Variants in RBFOX1 observed in about 807,000 individuals in gnomAD.
RBFOX1 encodes RNA binding protein fox-1 homolog 1.
Under a neutral mutation model 57.7 loss-of-function variants are expected in RBFOX1, and 8 were observed. The ratio of observed to expected loss-of-function variants is 0.14; its 90% CI spans 0.08 to 0.25. RBFOX1 has a LOEUF of 0.25. RBFOX1 is among the 10% of genes least tolerant of loss of function. The probability of loss-of-function intolerance (pLI) is 1.00; values close to 1 mark genes in which losing one functional copy is unlikely to be tolerated. For synonymous variants in RBFOX1, 326 were observed against 222.4 expected (o/e 1.47, Z -4.15); for missense variants, 611 against 548.5 (o/e 1.11, Z -1.14).
rs150744477 is a variant in RBFOX1, at chr16:6,800,123, C to T, written c.-16+145473C>T. ...GGATTGTCTTATGCAGATGTATTAT[C>T]GTTCCTAGTCCTACTGGTTTGGGCC... On this transcript the variant is annotated intron_variant, in intron 3 of 15. Transcript: ENST00000550418. 6.6e-3 allele frequency among the ~76,000 whole-genome samples: 1,002 copies of T among 152,182 alleles called. 10 individuals carry two copies. The highest frequency in any genetic ancestry group is 0.011 in the Non-Finnish European group (772 of 68,014).
chr16:6,182,842 T>G (rs1285505321), intron 1 of RBFOX1, among the ~76,000 whole-genome samples: 1 of 152,212 alleles, frequency 6.6e-6, no homozygotes, highest in African/African-American at 2.4e-5. Flanking sequence ...TGAAAATATT[T>G]AGCTTGTGAA....
chr16:6,800,635 T>C (rs62016137), intron 3 of RBFOX1, among the ~76,000 whole-genome samples: 31,772 of 152,082 alleles, frequency 0.21, 4,318 homozygotes, highest in Non-Finnish European at 0.3. Context: ...TTTAATTCTT[T>C]GCAATTACTT....
intron 4 of RBFOX1, among the ~76,000 whole-genome samples, chr16:7,509,418 GT>G (rs1567582493): frequency 1.8e-4 from 27 of 150,620 alleles, no homozygotes; most frequent in Non-Finnish European, 3.5e-4. Flanking sequence ...GTGTGTGTGT[GT>G]GTGTGTGTGT....
intron 3 of RBFOX1, among the ~76,000 whole-genome samples, chr16:5,735,364 A>T (rs563377117): frequency 2.0e-5 from 3 of 152,328 alleles, no homozygotes; most frequent in South Asian, 2.1e-4. Flanking sequence ...ATTCTTCTCA[A>T]TCACATCTGA....
chr16:7,079,331 G>C (rs1371888295), intron 4 of RBFOX1, among the ~76,000 whole-genome samples: 1 of 152,154 alleles, frequency 6.6e-6, no homozygotes, highest in Non-Finnish European at 1.5e-5. Context: ...ACCAGTGCAT[G>C]TTCCTAAAAG....
At chr16:5,661,150 T>C (rs2049634629) in intron 3 of RBFOX1, among the ~76,000 whole-genome samples, 2 of 152,226 alleles carry the variant, frequency 1.3e-5, no homozygotes, top group Admixed American at 6.5e-5. Context: ...TATATATCTC[T>C]TTGTGACACA....
intron 2 of RBFOX1, among the ~76,000 whole-genome samples, chr16:5,554,148 T>C (rs144152615): frequency 0.048 from 7,367 of 151,934 alleles, 191 homozygotes; most frequent in East Asian, 0.1. Context: ...TTTTTGTATT[T>C]TTAGTAGAGA....
intron 1 of RBFOX1, among the ~76,000 whole-genome samples, chr16:5,442,777 C>T (rs2068122944): frequency 6.6e-6 from 1 of 152,148 alleles, no homozygotes; most frequent in South Asian, 2.1e-4. Context: ...TGTCATTATT[C>T]CCTGTTGTGG....
At position 7,587,138 on chromosome 16, in the gene RBFOX1, C is replaced by G. The variant is rs565353822; in HGVS notation, c.415-109C>G. The stretch of plus-strand genomic sequence containing the variant: ...AACCATAAAACATAAAATGTGTATC[C>G]TTGGTATTAAAAGAGAAAAAAATGG... On this transcript the variant is annotated intron_variant, in intron 6 of 15. Transcript: ENST00000550418. 42 of 1,244,888 alleles carry G rather than the reference C, an allele frequency of 3.4e-5. No individual in the cohort carries two copies. In the South Asian group the frequency reaches 7.5e-4, roughly 22 times the overall value. 77.1% of individuals were successfully genotyped at this position (1,244,888 alleles called of 1,614,324 possible).
intron 2 of RBFOX1, among the ~76,000 whole-genome samples, chr16:5,522,641 T>C (rs186190141): frequency 5.2e-4 from 79 of 152,306 alleles, no homozygotes; most frequent in African/African-American, 1.7e-3. Flanking sequence ...TCTTATTCTT[T>C]CTTTGTTTGT....
At chr16:6,263,032 C>T (rs893648579) in intron 1 of RBFOX1, among the ~76,000 whole-genome samples, 1 of 152,096 alleles carries the variant, frequency 6.6e-6, no homozygotes, top group Non-Finnish European at 1.5e-5. Flanking sequence ...TTAAAGTCAC[C>T]CACTCAAAGA....
At chr16:5,724,037 C>T (rs1169509501) in intron 3 of RBFOX1, among the ~76,000 whole-genome samples, 2 of 152,062 alleles carry the variant, frequency 1.3e-5, no homozygotes, top group Non-Finnish European at 2.9e-5. Flanking sequence ...ATTTGTGTGT[C>T]CGTGTGTGTG....
At chr16:5,812,654 C>G (rs1034352290) in intron 3 of RBFOX1, among the ~76,000 whole-genome samples, 1 of 151,936 alleles carries the variant, frequency 6.6e-6, no homozygotes, top group Non-Finnish European at 1.5e-5. Flanking sequence ...TAGACCCGGG[C>G]TCTCCCTCTG....
intron 3 of RBFOX1, among the ~76,000 whole-genome samples, chr16:6,866,203 A>G (rs957751871): frequency 6.6e-6 from 1 of 151,832 alleles, no homozygotes; most frequent in Non-Finnish European, 1.5e-5. Flanking sequence ...GTAGTTCTTT[A>G]TTACTTCAGT....
intron 1 of RBFOX1, among the ~76,000 whole-genome samples, chr16:5,255,621 C>G (rs188142151): frequency 2.0e-5 from 3 of 151,854 alleles, no homozygotes; most frequent in Non-Finnish European, 4.4e-5. Context: ...TTTCTCCACC[C>G]ACTCAACCAT....
intron 2 of RBFOX1, among the ~76,000 whole-genome samples, chr16:6,565,126 CAA>C (rs34624731): frequency 0.047 from 4,580 of 98,110 alleles, 128 homozygotes; most frequent in African/African-American, 0.16. Context: ...ACTCTGTCTC[CAA>C]AAAAAAAAAA....
At chr16:5,638,374 A>G (rs878514) in intron 3 of RBFOX1, among the ~76,000 whole-genome samples, 96,895 of 152,006 alleles carry the variant, frequency 0.64, 31,742 homozygotes, top group Non-Finnish European at 0.71. Context: ...ACTTGACAAG[A>G]TGGTTCCAGG....
chr16:5,642,019 T>C (rs1336567497), intron 3 of RBFOX1, among the ~76,000 whole-genome samples: 1 of 152,186 alleles, frequency 6.6e-6, no homozygotes, highest in African/African-American at 2.4e-5. Context: ...ATACCAAGGC[T>C]GCTGGTATCT....
chr16:6,050,417 G>T lies in RBFOX1; in HGVS notation c.-127+30425G>T, dbSNP rs544138903. Among the ~76,000 whole-genome samples, 5 of 152,334 alleles carry T rather than the reference G, an allele frequency of 3.3e-5. No individual in the cohort carries two copies. The East Asian group carries it at 9.6e-4, about 29-fold the overall frequency. ...TGTTTGCTGATTGCATCCCTGTGGTGTGATTTCACATGTTCCTGTGTCCTT... is the reference window on the plus strand; with the variant it reads ...TGTTTGCTGATTGCATCCCTGTGGTTTGATTTCACATGTTCCTGTGTCCTT... On this transcript the variant is annotated intron_variant, in intron 1 of 15. Coordinates refer to ENST00000550418, the MANE Select transcript of RBFOX1 (RefSeq NM_018723.4).
Sources: allele counts gnomAD v4.1 joint callset (sites outside exome capture counted in the v4.1 genomes callset), GRCh38; gene constraint gnomAD v4.1.1; transcripts MANE v1.5; gene names NCBI Gene and HGNC (gene_info 2026-07-23, HGNC 2026-07-21).